OCA2: variants seen among roughly 807,000 people sequenced by gnomAD.
The protein encoded by OCA2 is OCA2 melanosomal transmembrane protein.
OCA2 carries 77 observed loss-of-function variants against 100.2 expected under a neutral mutation model. That is an observed-to-expected ratio of 0.77 (90% CI 0.64 to 0.93). The LOEUF is 0.93. Ranked by LOEUF, OCA2 falls within the 40% of genes least tolerant of loss-of-function variation. The pLI is 0.00. For synonymous variants in OCA2, 432 were observed against 439.2 expected, an observed-to-expected ratio of 0.98 and a Z score of 0.21; for missense variants, 1,062 against 1,089.1, an observed-to-expected ratio of 0.98 and a Z score of 0.35.
chr15:28,031,043 A>G (rs189557472), intron 3 of OCA2, among the ~76,000 whole-genome samples: 4 of 152,300 alleles, frequency 2.6e-5, no homozygotes, highest in East Asian at 1.9e-4. Flanking sequence ...CCTCATGACT[A>G]TCACATTGTC....
At chr15:28,042,724 T>C (rs1435025727) in intron 2 of OCA2, among the ~76,000 whole-genome samples, 1 of 152,016 alleles carries the variant, frequency 6.6e-6, no homozygotes, top group Non-Finnish European at 1.5e-5. Flanking sequence ...AAAGTGAGTA[T>C]TAATAGGAAT....
chr15:27,830,874 T>C (rs924413036), intron 23 of OCA2, among the ~76,000 whole-genome samples: 4 of 152,238 alleles, frequency 2.6e-5, no homozygotes, highest in Non-Finnish European at 2.9e-5. Flanking sequence ...ATAATTTCCC[T>C]GCTCCAAGTT....
intron 19 of OCA2, among the ~76,000 whole-genome samples, chr15:27,913,894 AGCAAGCAAGCAAGC>A (rs1180209976): frequency 9.5e-4 from 28 of 29,430 alleles, no homozygotes; most frequent in African/African-American, 3.2e-3. Flanking sequence ...AAAGAAAGAA[AGCAAGCAAGCAAGC>A]AAGCAAGCAA....
At chr15:27,998,162 C>A in intron 9 of OCA2, among the ~76,000 whole-genome samples, 1 of 127,772 alleles carries the variant, frequency 7.8e-6, no homozygotes, top group Non-Finnish European at 1.8e-5. Context: ...TCTAAAATAC[C>A]AAAAACAATG....
At chr15:27,955,321 G>T in intron 16 of OCA2, 106 bp from the exon 17 acceptor site, 1 of 852,594 alleles carries the variant, frequency 1.2e-6, no homozygotes, top group South Asian at 1.3e-5. Flanking sequence ...TCTGTGACTT[G>T]GAGCCTGGCT....
chr15:27,732,099 G>A, the OCA2 span, among the ~76,000 whole-genome samples: 2 of 152,166 alleles, frequency 1.3e-5, no homozygotes, highest in Admixed American at 6.5e-5. Context: ...TATTTCAAGT[G>A]CCAATCAGCC....
intron 19 of OCA2, among the ~76,000 whole-genome samples, chr15:27,889,426 G>A (rs776379260): frequency 6.6e-6 from 1 of 152,136 alleles, no homozygotes; most frequent in Non-Finnish European, 1.5e-5. Flanking sequence ...CATCCTGTCT[G>A]GACATGAAGA....
chr15:28,083,582 T>C (rs1307743864), intron 1 of OCA2, among the ~76,000 whole-genome samples: 1 of 152,236 alleles, frequency 6.6e-6, no homozygotes, highest in African/African-American at 2.4e-5. Flanking sequence ...ATTTCACAAA[T>C]TCCACGCATG....
intron 23 of OCA2, among the ~76,000 whole-genome samples, chr15:27,807,911 G>A (rs746933578): frequency 9.2e-5 from 14 of 152,226 alleles, no homozygotes; most frequent in East Asian, 7.7e-4. Flanking sequence ...TCAGCTCCAC[G>A]AGGGCAGGGC....
At chr15:27,845,160 A>G (rs539982421) in intron 22 of OCA2, 108 bp from the exon 23 acceptor site, 1 of 881,178 alleles carries the variant, frequency 1.1e-6, no homozygotes, top group Admixed American at 2.1e-5. Flanking sequence ...TTTGATTATT[A>G]TTTTATAGTC....
chr15:27,729,793 A>G, the OCA2 span, among the ~76,000 whole-genome samples: 1 of 152,166 alleles, frequency 6.6e-6, no homozygotes, highest in African/African-American at 2.4e-5. Flanking sequence ...GTAAAACTTC[A>G]CTGAGCTATA....
chr15:27,897,733 A>G (rs2037764954), intron 19 of OCA2, among the ~76,000 whole-genome samples: 1 of 152,176 alleles, frequency 6.6e-6, no homozygotes, highest in Admixed American at 6.5e-5. Context: ...AGCTGTGAGA[A>G]GCTCCCAGAT....
intron 23 of OCA2, among the ~76,000 whole-genome samples, chr15:27,761,320 T>G (rs1011761089): frequency 2.0e-5 from 3 of 152,154 alleles, no homozygotes; most frequent in Admixed American, 6.5e-5. Flanking sequence ...AAATTAAAAT[T>G]AAAAACACAA....
intron 23 of OCA2, among the ~76,000 whole-genome samples, chr15:27,811,868 A>G (rs1306247104): frequency 6.6e-6 from 1 of 152,216 alleles, no homozygotes; most frequent in Non-Finnish European, 1.5e-5. Flanking sequence ...GAAGGACATC[A>G]TAAGAAGGGC....
intron 19 of OCA2, among the ~76,000 whole-genome samples, chr15:27,907,225 T>A (rs1014456970): frequency 1.3e-5 from 2 of 151,848 alleles, no homozygotes; most frequent in African/African-American, 4.8e-5. Flanking sequence ...AGCTAGAAAA[T>A]TACTAAGAAA....
chr15:27,985,193 C>CCACA lies in OCA2; in HGVS notation c.1240-9_1240-6dup. The CCACA allele has an allele frequency of 6.2e-7, 1 of 1,610,802 alleles. No individual in the cohort carries two copies. The highest frequency in any genetic ancestry group is 8.5e-7 in the Non-Finnish European group (1 of 1,177,486). On this transcript the variant is annotated splice_polypyrimidine_tract_variant and splice_region_variant and intron_variant, in intron 12 of 23. Transcript: ENST00000354638. ...TCCCCGGGAGAGCCGGTATGCCTGG[C>CCACA]CACACACACACAGAGAGAGTACAAG...
chr15:27,770,177 G>A (rs552632911), intron 23 of OCA2, among the ~76,000 whole-genome samples: 16 of 152,314 alleles, frequency 1.1e-4, no homozygotes, highest in Admixed American at 7.8e-4. Context: ...GCTCATCCTC[G>A]TTATTTGCCA....
At chr15:27,880,959 T>C (rs2036988568) in intron 19 of OCA2, among the ~76,000 whole-genome samples, 1 of 152,208 alleles carries the variant, frequency 6.6e-6, no homozygotes, top group Non-Finnish European at 1.5e-5. Context: ...TGCTTCCAGC[T>C]TTTGCCCCTT....
intron 9 of OCA2, among the ~76,000 whole-genome samples, chr15:27,991,982 G>A (rs1425736506): frequency 6.6e-6 from 1 of 152,132 alleles, no homozygotes; most frequent in Non-Finnish European, 1.5e-5. Flanking sequence ...GCTTTTCACA[G>A]TTTCACTTTT....
Sources: allele counts gnomAD v4.1 joint callset (sites outside exome capture counted in the v4.1 genomes callset), GRCh38; gene constraint gnomAD v4.1.1; transcripts MANE v1.5; gene names NCBI Gene and HGNC (gene_info 2026-07-23, HGNC 2026-07-21).